The following GRK5 variants were observed in gnomAD, a reference collection of about 807,000 sequenced individuals.
GRK5 encodes g protein-coupled receptor kinase GRK5.
GRK5 carries 40 observed loss-of-function variants against 78.4 expected under a neutral mutation model. That is an observed-to-expected ratio of 0.51 (90% CI 0.40 to 0.66). The LOEUF (loss-of-function observed/expected upper bound fraction) is 0.66. Ranked by LOEUF, GRK5 falls within the 30% of genes least tolerant of loss-of-function variation. The pLI, the probability that GRK5 is intolerant of heterozygous loss-of-function variation, is 0.00. For synonymous variants in GRK5, 289 were observed against 296.8 expected, an observed-to-expected ratio of 0.97 and a Z score of 0.27; for missense variants, 598 against 759.9, an observed-to-expected ratio of 0.79 and a Z score of 2.50.
At chr10:119,335,029 A>G (rs1212415471) in intron 2 of GRK5, 1 of 152,118 alleles carries the variant, frequency 6.6e-6, no homozygotes, top group Non-Finnish European at 1.5e-5. Flanking sequence ...CATGGGGGAA[A>G]AAAAATCATC....
At chr10:119,396,199 T>C (rs1331464822) in intron 3 of GRK5, among the ~76,000 whole-genome samples, 1 of 152,240 alleles carries the variant, frequency 6.6e-6, no homozygotes, top group Non-Finnish European at 1.5e-5. Context: ...CATCTGCGTT[T>C]TATAGAAGGG....
At position 119,353,830 on chromosome 10, in the gene GRK5, G is replaced by A. The variant is rs188305084; in HGVS notation, c.149-26985G>A. 1.0e-3 allele frequency among the ~76,000 whole-genome samples: 158 copies of A among 152,078 alleles called. 1 individual carries two copies. Among genetic ancestry groups the A allele is most frequent in the Non-Finnish European group, 1.7e-3 (117 of 68,008 alleles). On this transcript the variant is annotated intron_variant, in intron 2 of 15. Transcript: ENST00000392870. The stretch of plus-strand genomic sequence containing the variant: ...AGATTGATGCTGCAGGTGCTGTTTG[G>A]AAATGTCTTTTTTCCCCACATCACT...
intron 13 of GRK5, among the ~76,000 whole-genome samples, chr10:119,449,346 G>A (rs941303478): frequency 1.3e-5 from 2 of 152,176 alleles, no homozygotes; most frequent in African/African-American, 4.8e-5. Flanking sequence ...CCTATACATG[G>A]GGATTCCCTG....
chr10:119,366,360 G>A (rs1851449606), intron 2 of GRK5, among the ~76,000 whole-genome samples: 3 of 152,090 alleles, frequency 2.0e-5, no homozygotes, highest in African/African-American at 7.3e-5. Context: ...GGCAAAGGGG[G>A]TGGCGGAGGA....
At chr10:119,263,821 A>C (rs955432838) in intron 1 of GRK5, among the ~76,000 whole-genome samples, 1 of 152,108 alleles carries the variant, frequency 6.6e-6, no homozygotes, top group Non-Finnish European at 1.5e-5. Flanking sequence ...CCAGCTACTC[A>C]GGAGACTGAG....
At chr10:119,404,372 A>C (rs1314346400) in intron 4 of GRK5, among the ~76,000 whole-genome samples, 1 of 152,206 alleles carries the variant, frequency 6.6e-6, no homozygotes, top group Non-Finnish European at 1.5e-5. Flanking sequence ...GTTTGTCTTT[A>C]ATGTCAAGTC....
chr10:119,417,868 C>T (rs930142998), intron 4 of GRK5, among the ~76,000 whole-genome samples: 12 of 152,158 alleles, frequency 7.9e-5, no homozygotes, highest in East Asian at 3.9e-4. Flanking sequence ...AGCTTTTCTC[C>T]GTGCCCTGTG....
chr10:119,294,287 G>A (rs1377702989), intron 1 of GRK5, among the ~76,000 whole-genome samples: 1 of 152,088 alleles, frequency 6.6e-6, no homozygotes, highest in African/African-American at 2.4e-5. Context: ...GGGTCCACAA[G>A]GCCTGATCCA....
chr10:119,441,946 C>A, intron 10 of GRK5, 53 bp from the exon 11 acceptor site: 1 of 1,432,182 alleles, frequency 7.0e-7, no homozygotes, highest in Non-Finnish European at 9.9e-7. Context: ...ACAGCAAGGC[C>A]GGGTGCCCAT....
chr10:119,208,066 G>A, intron 1 of GRK5, 97 bp downstream of exon 1: 1 of 1,158,956 alleles, frequency 8.6e-7, no homozygotes, highest in Non-Finnish European at 1.2e-6. Context: ...CGTGCAGGAT[G>A]CCCGCTGCCG....
intron 13 of GRK5, among the ~76,000 whole-genome samples, chr10:119,450,621 G>T (rs1280302165): frequency 6.6e-6 from 1 of 152,184 alleles, no homozygotes; most frequent in Non-Finnish European, 1.5e-5. Context: ...CTTTGCCTGG[G>T]ACTGTCCTGC....
chr10:119,300,335 A>T (rs1008784746), intron 1 of GRK5, among the ~76,000 whole-genome samples: 1 of 152,204 alleles, frequency 6.6e-6, no homozygotes, highest in African/African-American at 2.4e-5. Context: ...CTTCTAAAGG[A>T]CTAGCCACAA....
chr10:119,399,284 T>C (rs1011330822), intron 4 of GRK5, among the ~76,000 whole-genome samples: 1 of 152,216 alleles, frequency 6.6e-6, no homozygotes, highest in Non-Finnish European at 1.5e-5. Context: ...CAATAAACTT[T>C]GCACTGCTTT....
intron 2 of GRK5, among the ~76,000 whole-genome samples, chr10:119,353,269 A>G (rs1442159767): frequency 6.6e-6 from 1 of 152,198 alleles, no homozygotes; most frequent in East Asian, 1.9e-4. Context: ...TTGCTTGCTC[A>G]GGAGACTTAC....
At chr10:119,442,866 G>C (rs895466100) in intron 11 of GRK5, among the ~76,000 whole-genome samples, 1 of 152,182 alleles carries the variant, frequency 6.6e-6, no homozygotes, top group African/African-American at 2.4e-5. Context: ...CATGAATGCT[G>C]ATCGATGATT....
chr10:119,242,508 C>T (rs1849042280), intron 1 of GRK5, among the ~76,000 whole-genome samples: 1 of 149,916 alleles, frequency 6.7e-6, no homozygotes, highest in East Asian at 1.9e-4. Context: ...CAAGAGCTGC[C>T]CTGGCATCAT....
At chr10:119,254,988 G>A (rs1017582195) in intron 1 of GRK5, among the ~76,000 whole-genome samples, 24 of 144,372 alleles carry the variant, frequency 1.7e-4, no homozygotes, top group Admixed American at 4.4e-4. Flanking sequence ...CCAGGAAGCC[G>A]AGATTGCGCC....
At chr10:119,224,849 T>C (rs943621914) in intron 1 of GRK5, among the ~76,000 whole-genome samples, 1 of 152,216 alleles carries the variant, frequency 6.6e-6, no homozygotes, top group Admixed American at 6.5e-5. Context: ...AGTGTGCCAC[T>C]CATGTGCTGT....
rs12245651 is a variant in GRK5 at position 119,253,525 on chromosome 10, T to C, written c.52+45556T>C. ...CTTGCCTGGGTCTAAGCCCTGGAGC[T>C]TAGGGTGCTGTGATATGCTTGCGGG... On this transcript the variant is annotated intron_variant, in intron 1 of 15. Coordinates refer to ENST00000392870, the MANE Select transcript of GRK5 (RefSeq NM_005308.3). This position sits in a 1 kb window ranked among gnomAD's most constrained non-coding sequence, Gnocchi z 5.7. 0.023 allele frequency among the ~76,000 whole-genome samples: 3,448 copies of C among 152,292 alleles called. 128 individuals carry two copies. Among genetic ancestry groups the C allele is most frequent in the African/African-American group, 0.079 (3,302 of 41,562 alleles).
Sources: gnomAD v4.1 joint callset for allele counts (sites outside exome capture counted in the v4.1 genomes callset) on GRCh38, gnomAD v4.1.1 for gene constraint, Gnocchi (gnomAD v3.1) non-coding constraint, MANE v1.5 for transcripts, NCBI Gene and HGNC (gene_info 2026-07-23, HGNC 2026-07-21) for gene names.